Variants in PITPNB observed in about 807,000 individuals in gnomAD.
PITPNB encodes the protein phosphatidylinositol transfer protein beta isoform.
In PITPNB, 16 loss-of-function variants were observed where a neutral mutation model predicts 45.9. That is an observed-to-expected ratio of 0.35 (90% confidence interval 0.24 to 0.53). PITPNB has a LOEUF of 0.53. Ranked by LOEUF, PITPNB falls within the 20% of genes least tolerant of loss-of-function variation. The pLI, the probability that PITPNB is intolerant of heterozygous loss-of-function variation, is 0.93. For missense variants in PITPNB, 188 were observed against 330.5 expected (o/e 0.57, Z 3.34); for synonymous variants, 112 against 108.9 (o/e 1.03, Z -0.18).
At chr22:27,912,256 A>T (rs374012140) in intron 2 of PITPNB, among the ~76,000 whole-genome samples, 1 of 152,202 alleles carries the variant, frequency 6.6e-6, no homozygotes, top group South Asian at 2.1e-4. Context: ...AGTTAAATTT[A>T]AAAACACACC....
intron 7 of PITPNB, among the ~76,000 whole-genome samples, chr22:27,891,545 C>T (rs1443254225): frequency 1.3e-5 from 2 of 152,174 alleles, no homozygotes; most frequent in Non-Finnish European, 2.9e-5. Context: ...GTAATTAACA[C>T]ATGTCAAGGG....
intron 9 of PITPNB, among the ~76,000 whole-genome samples, chr22:27,859,467 G>A (rs1381460663): frequency 6.6e-6 from 1 of 152,094 alleles, no homozygotes; most frequent in Non-Finnish European, 1.5e-5. Context: ...TCGCCCTACA[G>A]GAAAAGTAAA....
chr22:27,916,716 T>C (rs1218637566), intron 1 of PITPNB, among the ~76,000 whole-genome samples: 4 of 151,738 alleles, frequency 2.6e-5, no homozygotes, highest in African/African-American at 9.7e-5. Context: ...GGCAGGAAAA[T>C]CGCTTGAACC....
chr22:27,855,995 A>G (rs1183596594), intron 10 of PITPNB, among the ~76,000 whole-genome samples: 1 of 152,156 alleles, frequency 6.6e-6, no homozygotes, highest in Non-Finnish European at 1.5e-5. Flanking sequence ...CCAGATTCTG[A>G]GGATGCTTTC....
intron 7 of PITPNB, among the ~76,000 whole-genome samples, chr22:27,882,721 G>A (rs1935007687): frequency 1.3e-5 from 2 of 152,200 alleles, no homozygotes; most frequent in Admixed American, 1.3e-4. Flanking sequence ...CTGCAGCCTG[G>A]TGCCCAGCAC....
chr22:27,892,370 A>T (rs1317382685), intron 7 of PITPNB, among the ~76,000 whole-genome samples: 1 of 152,158 alleles, frequency 6.6e-6, no homozygotes, highest in African/African-American at 2.4e-5. Flanking sequence ...CTCCAGCAAA[A>T]CCAAAGGTAT....
chr22:27,897,003 G>A (rs1269165049), intron 5 of PITPNB, 127 bp downstream of exon 5: 3 of 759,030 alleles, frequency 4.0e-6, no homozygotes, highest in Non-Finnish European at 4.8e-6. Flanking sequence ...GTGGCGGCTG[G>A]TTGGTGGGAC....
At chr22:27,866,095 TAAA>T (rs1370347977) in intron 8 of PITPNB, among the ~76,000 whole-genome samples, 1 of 152,100 alleles carries the variant, frequency 6.6e-6, no homozygotes, top group Middle Eastern at 3.2e-3. Context: ...AAGGACAACT[TAAA>T]AAGGTAAAGA....
At chr22:27,883,960 G>T (rs550826397) in intron 7 of PITPNB, among the ~76,000 whole-genome samples, 3 of 152,338 alleles carry the variant, frequency 2.0e-5, no homozygotes, top group East Asian at 3.9e-4. Context: ...CTCCCACTTG[G>T]GAGTGCCTGT....
intron 3 of PITPNB, among the ~76,000 whole-genome samples, chr22:27,908,412 T>G (rs779225929): frequency 6.6e-6 from 1 of 151,414 alleles, no homozygotes; most frequent in African/African-American, 2.4e-5. Flanking sequence ...TTCTTTTCCA[T>G]GCAAGAATGT....
chr22:27,906,683 C>A (rs1461027753), intron 3 of PITPNB, among the ~76,000 whole-genome samples: 1 of 152,074 alleles, frequency 6.6e-6, no homozygotes, highest in Non-Finnish European at 1.5e-5. Context: ...ACCCAGTGAC[C>A]AGCACACAGT....
At position 27,867,566 on chromosome 22, in the gene PITPNB, A is replaced by G. The variant is rs144869125; in HGVS notation, c.534+6172T>C. Reference sequence around the variant, plus strand: ...TGTTCCTCCAAACTTAATTTTTTGTATGGCTCACACCCATTTTACTAAAGA... The same window carrying G: ...TGTTCCTCCAAACTTAATTTTTTGTGTGGCTCACACCCATTTTACTAAAGA... On this transcript the variant is annotated intron_variant, in intron 8 of 11. Coordinates refer to ENST00000335272, the MANE Select transcript of PITPNB (RefSeq NM_012399.5). Among the ~76,000 whole-genome samples, 1,034 of 152,308 alleles carry G rather than the reference A, an allele frequency of 6.8e-3. 7 individuals are homozygous for G. The highest frequency in any genetic ancestry group is 0.023 in the African/African-American group (940 of 41,564).
intron 7 of PITPNB, among the ~76,000 whole-genome samples, chr22:27,880,566 T>C (rs938731595): frequency 6.6e-6 from 1 of 152,036 alleles, no homozygotes; most frequent in Non-Finnish European, 1.5e-5. Context: ...GAATAAACCT[T>C]AAATTAATAA....
At chr22:27,884,225 G>A (rs1935053439) in intron 7 of PITPNB, among the ~76,000 whole-genome samples, 1 of 152,176 alleles carries the variant, frequency 6.6e-6, no homozygotes, top group Non-Finnish European at 1.5e-5. Flanking sequence ...CCCCTGGGGG[G>A]GACATCTGCA....
rs1217066255 is a variant in PITPNB, at chr22:27,860,306, CTG to C, written c.535-67_535-66del. On this transcript the variant is annotated intron_variant, in intron 8 of 11. Transcript: ENST00000335272. ...ATATTTATGTTTTCATTAAAATTGACTGTTGTATAACGACATCATAGACATAC... is the reference window on the plus strand; with the variant it reads ...ATATTTATGTTTTCATTAAAATTGACTTGTATAACGACATCATAGACATAC... The C allele has an allele frequency of 4.5e-5, 43 of 958,240 alleles. No individual in the cohort carries two copies. In the Middle Eastern group the frequency reaches 6.4e-4, roughly 14 times the overall value. 59.4% of individuals were successfully genotyped at this position (958,240 alleles called of 1,614,324 possible).
chr22:27,908,750 A>G (rs893756742), intron 3 of PITPNB, among the ~76,000 whole-genome samples: 24 of 152,274 alleles, frequency 1.6e-4, no homozygotes, highest in South Asian at 6.2e-4. Flanking sequence ...ATCTTCTCTC[A>G]ATAGACATAT....
chr22:27,909,046 A>G (rs1935842623), intron 3 of PITPNB, among the ~76,000 whole-genome samples: 1 of 152,164 alleles, frequency 6.6e-6, no homozygotes, highest in Non-Finnish European at 1.5e-5. Context: ...CATGACAGCT[A>G]CAACTTTAAG....
chr22:27,903,530 C>CTT (rs1935669460), intron 3 of PITPNB, among the ~76,000 whole-genome samples: 2 of 149,382 alleles, frequency 1.3e-5, no homozygotes, highest in African/African-American at 4.9e-5. Flanking sequence ...AATCCCAGTA[C>CTT]TTTGGGAGGC....
intron 8 of PITPNB, among the ~76,000 whole-genome samples, chr22:27,864,946 CAAAAAAAAGA>C (rs780613345): frequency 7.1e-5 from 10 of 140,908 alleles, no homozygotes; most frequent in Middle Eastern, 3.5e-3. Context: ...AAAAAACTCT[CAAAAAAAAGA>C]AAAAAAAAGA....
Sources: gnomAD v4.1 joint callset for allele counts (sites outside exome capture counted in the v4.1 genomes callset) on GRCh38, gnomAD v4.1.1 for gene constraint, MANE v1.5 for transcripts, NCBI Gene and HGNC (gene_info 2026-07-23, HGNC 2026-07-21) for gene names.